Variants in SLC25A29 observed in about 807,000 individuals in gnomAD.
SLC25A29 encodes the protein solute carrier family 25 member 29, also known as mitochondrial basic amino acids transporter.
A neutral mutation model predicts 10.0 loss-of-function variants in SLC25A29; 13 were observed. That is an observed-to-expected ratio of 1.30 (90% CI 0.85 to 2.07). The LOEUF (loss-of-function observed/expected upper bound fraction) is 2.07. Ranked by LOEUF, SLC25A29 falls within the 30% of genes most tolerant of loss-of-function variation. The pLI, the probability that SLC25A29 is intolerant of heterozygous loss-of-function variation, is 0.00. For synonymous variants in SLC25A29, 244 were observed against 221.1 expected, an observed-to-expected ratio of 1.10 and a Z score of -0.92; for missense variants, 475 against 447.6, an observed-to-expected ratio of 1.06 and a Z score of -0.55.
chr14:100,295,523 C>T (rs1892082275), intron 2 of SLC25A29: 1 of 1,211,522 alleles, frequency 8.3e-7, no homozygotes, highest in South Asian at 1.4e-5. Flanking sequence ...GCTTGCCTCA[C>T]ACCCTCCCTG....
chr14:100,282,773 C>T, the SLC25A29 span: 1 of 152,202 alleles, frequency 6.6e-6, no homozygotes, highest in East Asian at 1.9e-4. Context: ...ATAATAAATG[C>T]ATAATGTTAA....
chr14:100,300,100 G>A lies in SLC25A29; in HGVS notation c.35-1215C>T, dbSNP rs549402805. 19 of 317,632 alleles carry A rather than the reference G, an allele frequency of 6.0e-5. 1 individual carries two copies. The highest frequency in any genetic ancestry group is 4.5e-4 in the Admixed American group (7 of 15,434). 19.7% of individuals were successfully genotyped at this position (317,632 alleles called of 1,614,324 possible). ...AGCCTAGCCAACATGGTGAAACCCC[G>A]TCTCTACTAAAAATACAAAAATTAG... On this transcript the variant is annotated intron_variant, in intron 1 of 3. Coordinates refer to ENST00000359232, the MANE Select transcript of SLC25A29 (RefSeq NM_001039355.3).
In SLC25A29 at chr14:100,292,950, T is replaced by A. The variant is rs1891860069; in HGVS notation, c.245A>T (p.Asn82Ile). Residue 82 changes from asparagine (N) to isoleucine (I), a missense_variant, in exon 4 of 4, where the codon AAC becomes ATC. Physicochemically the swap from Asn to Ile is moderately radical, Grantham distance 149. Coordinates refer to ENST00000359232, the MANE Select transcript of SLC25A29 (RefSeq NM_001039355.3). ...INALVFGVQG[N>I]TLRALGHDSP... ...GTCGTGGCCCAGGGCCCGGAGGGTG[T>A]TGCCCTGCACCCCGAACACCAGCGC... The A allele has an allele frequency of 6.2e-7, 1 of 1,606,006 alleles. No homozygotes were observed. The highest frequency in any genetic ancestry group is 8.5e-7 in the Non-Finnish European group (1 of 1,177,186).
At chr14:100,297,035 A>G (rs1471947212) in intron 2 of SLC25A29, among the ~76,000 whole-genome samples, 1 of 152,116 alleles carries the variant, frequency 6.6e-6, no homozygotes, top group Admixed American at 6.5e-5. Flanking sequence ...TGAACCCAGG[A>G]GGAAGAAGTT....
chr14:100,302,128 C>T (rs1301477369), intron 1 of SLC25A29, among the ~76,000 whole-genome samples: 1 of 151,972 alleles, frequency 6.6e-6, no homozygotes, highest in Non-Finnish European at 1.5e-5. Flanking sequence ...TCACTGAAAC[C>T]TCCACCTCCC....
the SLC25A29 span, among the ~76,000 whole-genome samples, chr14:100,284,918 A>G: frequency 6.6e-6 from 1 of 152,100 alleles, no homozygotes; most frequent in Non-Finnish European, 1.5e-5. Flanking sequence ...GCATGCCTCT[A>G]ATCCCACCTA....
Position 100,292,060 on chromosome 14 carries a change from A to G in SLC25A29, c.*223T>C. 1.8e-6 allele frequency: 1 copy of G among 567,630 alleles called. No individual in the cohort carries two copies. Among genetic ancestry groups the G allele is most frequent in the Non-Finnish European group, 3.1e-6 (1 of 323,886 alleles). 35.2% of individuals were successfully genotyped at this position (567,630 alleles called of 1,614,324 possible). ...CTGGGAATAATCTCTGAGCTTCGTG[A>G]CTCTACAGTGTGGGCATGAGGGTCC... On this transcript the variant is annotated 3_prime_UTR_variant, in exon 4 of 4. Transcript: ENST00000359232.
chr14:100,293,349 T>C lies in SLC25A29; in HGVS notation c.107A>G (p.Lys36Arg). 2.5e-6 allele frequency: 4 copies of C among 1,613,344 alleles called. No homozygotes were observed. The highest frequency in any genetic ancestry group is 3.4e-6 in the Non-Finnish European group (4 of 1,179,982). Residue 36 changes from lysine (K) to arginine (R), a missense_variant, in exon 3 of 4, where the codon AAG becomes AGG. By Grantham distance (26) the Lys-to-Arg change is conservative. Transcript: ENST00000359232. ...KVRLQVQSVE[K>R]PQYRGTLHCF... ...GTGCAACGTCCCGCGGTACTGAGGC[T>C]TCTCCACGCTCTGGACCTGAAGCCG...
At chr14:100,302,677 T>C (rs1489021455) in intron 1 of SLC25A29, among the ~76,000 whole-genome samples, 2 of 152,078 alleles carry the variant, frequency 1.3e-5, no homozygotes, top group African/African-American at 2.4e-5. Flanking sequence ...CTTAATCTGG[T>C]TGGGGAACAG....
downstream of SLC25A29, among the ~76,000 whole-genome samples, chr14:100,287,143 G>C (rs1891559595): frequency 6.6e-6 from 1 of 152,250 alleles, no homozygotes; most frequent in Non-Finnish European, 1.5e-5. Flanking sequence ...ACTCACTAAA[G>C]GCCCAGGCCA....
chr14:100,303,222 C>A (rs1892678759), intron 1 of SLC25A29, among the ~76,000 whole-genome samples: 1 of 152,240 alleles, frequency 6.6e-6, no homozygotes, highest in Admixed American at 6.5e-5. Context: ...TGGGAAGTAT[C>A]TGGATTTCCC....
At chr14:100,285,400 C>A in the SLC25A29 span, among the ~76,000 whole-genome samples, 1 of 151,740 alleles carries the variant, frequency 6.6e-6, no homozygotes, top group South Asian at 2.1e-4. Flanking sequence ...CCGCAGGGTG[C>A]GCCGCCGCCG....
the SLC25A29 span, chr14:100,280,782 G>C: frequency 6.6e-6 from 1 of 152,130 alleles, no homozygotes; most frequent in African/African-American, 2.4e-5. Flanking sequence ...GCCCGCCTGA[G>C]CAGTGTTTTG....
In SLC25A29 at chr14:100,291,261, C is replaced by G. The variant is rs1891670806; in HGVS notation, c.*1022G>C. 1 of 152,368 alleles carries G rather than the reference C, an allele frequency of 6.6e-6. No individual in the cohort carries two copies. Among genetic ancestry groups the G allele is most frequent in the East Asian group, 1.9e-4 (1 of 5,200 alleles). 9.4% of individuals were successfully genotyped at this position (152,368 alleles called of 1,614,324 possible). A position where few individuals can be genotyped will look rare whatever the true frequency, so the allele number is the denominator to read the frequency against. On this transcript the variant is annotated 3_prime_UTR_variant, in exon 4 of 4. Coordinates refer to ENST00000359232, the MANE Select transcript of SLC25A29 (RefSeq NM_001039355.3). ...TGCCCCAGGCCCCAACTAGCCACCC[C>G]TGTGCCCACTAGCAGGCCCTGTGCC...
At chr14:100,306,057 C>T (rs1892920895) in intron 1 of SLC25A29, 142 bp downstream of exon 1, 1 of 545,832 alleles carries the variant, frequency 1.8e-6, no homozygotes, top group African/African-American at 2.0e-5. Context: ...CGAGACCCGC[C>T]CGAGGCAAGA....
chr14:100,282,253 A>G, the SLC25A29 span: 1 of 151,698 alleles, frequency 6.6e-6, no homozygotes, highest in African/African-American at 2.4e-5. Context: ...CAAGGTGGCA[A>G]GTTTGATCAA....
intron 2 of SLC25A29, 31 bp from the exon 3 acceptor site, chr14:100,293,408 C>T (rs758545911): frequency 6.2e-7 from 1 of 1,601,238 alleles, no homozygotes; most frequent in Non-Finnish European, 8.5e-7. Context: ...GAGAGGCAGG[C>T]AGGCAGGACC....
At chr14:100,285,307 C>T in the SLC25A29 span, among the ~76,000 whole-genome samples, 1 of 143,690 alleles carries the variant, frequency 7.0e-6, no homozygotes. Flanking sequence ...TTCCCTGCCA[C>T]CCTGCAGTGC....
At chr14:100,301,469 A>G (rs913242039) in intron 1 of SLC25A29, among the ~76,000 whole-genome samples, 1 of 145,104 alleles carries the variant, frequency 6.9e-6, no homozygotes, top group African/African-American at 2.6e-5. Context: ...CCAGCTATTT[A>G]TTCCCTTTCT....
Sources: gnomAD v4.1 joint callset for allele counts (sites outside exome capture counted in the v4.1 genomes callset) on GRCh38, gnomAD v4.1.1 for gene constraint, MANE v1.5 for transcripts, NCBI Gene and HGNC (gene_info 2026-07-23, HGNC 2026-07-21) for gene names.